Variants in CTXND2 observed in about 807,000 individuals in gnomAD.
The protein encoded by CTXND2 is cortexin domain containing 2.
chr1:150,898,708 A>T (rs1201098499), intron 1 of CTXND2, among the ~76,000 whole-genome samples: 1 of 149,560 alleles, frequency 6.7e-6, no homozygotes, highest in African/African-American at 2.5e-5. Context: ...GTGAGCTGAG[A>T]TCGTGCCACT....
At chr1:150,900,091 C>T (rs193009340) in intron 1 of CTXND2, among the ~76,000 whole-genome samples, 26 of 152,216 alleles carry the variant, frequency 1.7e-4, no homozygotes, top group Middle Eastern at 3.4e-3. Context: ...CAGCAGCAAC[C>T]CGTTCGGGTC....
intron 1 of CTXND2, among the ~76,000 whole-genome samples, chr1:150,898,710 C>T (rs1294165460): frequency 2.0e-5 from 3 of 147,548 alleles, no homozygotes; most frequent in African/African-American, 7.5e-5. Context: ...GAGCTGAGAT[C>T]GTGCCACTGC....
At chr1:150,888,069 T>TAA (rs35935543) in intron 1 of CTXND2, among the ~76,000 whole-genome samples, 1 of 151,482 alleles carries the variant, frequency 6.6e-6, no homozygotes, top group African/African-American at 2.4e-5. Context: ...AAAAGCCACT[T>TAA]AAAAAAAATT....
chr1:150,889,399 CAAA>C (rs377253666), intron 1 of CTXND2, among the ~76,000 whole-genome samples: 6 of 76,164 alleles, frequency 7.9e-5, no homozygotes, highest in Non-Finnish European at 9.0e-5. Flanking sequence ...GACTCTGTCT[CAAA>C]AAAAAAAAAA....
chr1:150,910,670 C>T (rs1183733007), intron 1 of CTXND2, among the ~76,000 whole-genome samples: 6 of 146,238 alleles, frequency 4.1e-5, no homozygotes, highest in African/African-American at 5.1e-5. Flanking sequence ...CTCACTCTGT[C>T]GCCCAGGCTC....
intron 1 of CTXND2, among the ~76,000 whole-genome samples, chr1:150,891,422 C>T (rs1015421057): frequency 2.6e-5 from 4 of 152,090 alleles, no homozygotes; most frequent in African/African-American, 9.7e-5. Context: ...ACTGTGTTAG[C>T]CAGGATGGTC....
intron 1 of CTXND2, among the ~76,000 whole-genome samples, chr1:150,890,311 C>T (rs1446888473): frequency 6.7e-6 from 1 of 149,616 alleles, no homozygotes; most frequent in Non-Finnish European, 1.5e-5. Context: ...TGAAGCTGTA[C>T]TAAGAAGACA....
chr1:150,901,257 A>G (rs773839986), intron 1 of CTXND2, among the ~76,000 whole-genome samples: 3 of 152,234 alleles, frequency 2.0e-5, no homozygotes, highest in Non-Finnish European at 4.4e-5. Flanking sequence ...GACTTAAGCA[A>G]ATGGAAAGAT....
chr1:150,903,882 A>G, intron 1 of CTXND2: 1 of 603,616 alleles, frequency 1.7e-6, no homozygotes, highest in Non-Finnish European at 3.2e-6. Context: ...CAGTGATGAA[A>G]AAGAGAATTA....
intron 1 of CTXND2, among the ~76,000 whole-genome samples, chr1:150,893,404 G>T (rs1318673702): frequency 2.6e-5 from 4 of 151,960 alleles, no homozygotes; most frequent in African/African-American, 7.3e-5. Context: ...TCTGGTTCCT[G>T]ATTTTAAAAG....
chr1:150,888,949 C>T (rs1416863408), intron 1 of CTXND2, among the ~76,000 whole-genome samples: 1 of 151,914 alleles, frequency 6.6e-6, no homozygotes, highest in Admixed American at 6.6e-5. Flanking sequence ...AGCAATCCAC[C>T]CGCCTCAGCC....
At chr1:150,911,025 C>T (rs587767950) in intron 1 of CTXND2, among the ~76,000 whole-genome samples, 5 of 152,040 alleles carry the variant, frequency 3.3e-5, no homozygotes, top group African/African-American at 7.2e-5. Flanking sequence ...AGGATGGTCT[C>T]GATCTCCTGA....
At chr1:150,889,895 G>C (rs911825545) in intron 1 of CTXND2, among the ~76,000 whole-genome samples, 5 of 152,072 alleles carry the variant, frequency 3.3e-5, no homozygotes, top group African/African-American at 9.7e-5. Flanking sequence ...CAGACACCTA[G>C]AGCTTACATT....
chr1:150,905,270 A>G (rs184182393), intron 1 of CTXND2, among the ~76,000 whole-genome samples: 4 of 151,788 alleles, frequency 2.6e-5, no homozygotes, highest in Non-Finnish European at 5.9e-5. Flanking sequence ...CAGCCTCCCA[A>G]GTAGCTGGGA....
At chr1:150,895,044 T>C (rs1314442463) in intron 1 of CTXND2, among the ~76,000 whole-genome samples, 1 of 151,464 alleles carries the variant, frequency 6.6e-6, no homozygotes, top group African/African-American at 2.4e-5. Context: ...CAAAAAAACA[T>C]ATATATATAC....
chr1:150,901,514 A>C (rs1248169051), intron 1 of CTXND2, among the ~76,000 whole-genome samples: 1 of 152,230 alleles, frequency 6.6e-6, no homozygotes, highest in Non-Finnish European at 1.5e-5. Context: ...TACAGTAATC[A>C]AGACAGTATG....
chr1:150,905,065 CACACACA>C (rs1669112980), intron 1 of CTXND2, among the ~76,000 whole-genome samples: 5 of 42,750 alleles, frequency 1.2e-4, no homozygotes, highest in Non-Finnish European at 2.2e-4. Flanking sequence ...AAGAAAACCA[CACACACA>C]CACACACACA....
exon 2 of CTXND2, chr1:150,912,486 A>G (rs1193681532): frequency 5.0e-6 from 2 of 398,512 alleles, no homozygotes; most frequent in Non-Finnish European, 8.8e-6. Context: ...GAGCTGAAGT[A>G]TAATAAAACC....
chr1:150,892,981 G>T (rs1668872050), intron 1 of CTXND2, among the ~76,000 whole-genome samples: 1 of 152,160 alleles, frequency 6.6e-6, no homozygotes, highest in South Asian at 2.1e-4. Flanking sequence ...TAACTACTAT[G>T]CTGAATCCAC....
Sources: gnomAD v4.1 joint callset for allele counts (sites outside exome capture counted in the v4.1 genomes callset) on GRCh38, gnomAD v4.1.1 for gene constraint, MANE v1.5 for transcripts, NCBI Gene and HGNC (gene_info 2026-07-23, HGNC 2026-07-21) for gene names.